PALM2AKAP2: variants seen among roughly 807,000 people sequenced by gnomAD.
PALM2AKAP2 encodes PALM2-AKAP2 fusion protein.
PALM2AKAP2 carries 37 observed loss-of-function variants against 71.5 expected under a neutral mutation model. The ratio of observed to expected loss-of-function variants is 0.52; its 90% confidence interval spans 0.40 to 0.68. PALM2AKAP2 has a LOEUF of 0.68. Among genes scored for constraint, PALM2AKAP2 ranks in the 30% least tolerant of loss-of-function variants. The pLI, the probability that PALM2AKAP2 is intolerant of heterozygous loss-of-function variation, is 0.00. For synonymous variants in PALM2AKAP2, 468 were observed against 478.8 expected (o/e 0.98, Z 0.29); for missense variants, 1,224 against 1,191.8 (o/e 1.03, Z -0.40).
At chr9:109,787,602 A>G (rs149291771) in intron 1 of PALM2AKAP2, among the ~76,000 whole-genome samples, 120 of 152,336 alleles carry the variant, frequency 7.9e-4, no homozygotes, top group African/African-American at 2.8e-3. Context: ...AGTCGAAAGT[A>G]TTGGTCCCTA....
chr9:110,155,470 G>A (rs985013732), intron 2 of PALM2AKAP2, among the ~76,000 whole-genome samples: 4 of 152,186 alleles, frequency 2.6e-5, no homozygotes, highest in African/African-American at 9.7e-5. Flanking sequence ...TTGGGAGGGA[G>A]GGATGGAAAT....
intron 1 of PALM2AKAP2, among the ~76,000 whole-genome samples, chr9:109,654,634 G>C (rs1827270816): frequency 6.6e-6 from 1 of 152,056 alleles, no homozygotes. Flanking sequence ...TTTAGATCTT[G>C]AAATTAAAAG....
chr9:110,045,993 C>T (rs1588075501), upstream of PALM2AKAP2, among the ~76,000 whole-genome samples: 2 of 152,244 alleles, frequency 1.3e-5, no homozygotes, highest in East Asian at 1.9e-4. Context: ...GTTGGTGGGG[C>T]GCTGTCCTGT....
chr9:110,065,045 T>C (rs1834047957), intron 1 of PALM2AKAP2, among the ~76,000 whole-genome samples: 1 of 152,202 alleles, frequency 6.6e-6, no homozygotes, highest in East Asian at 1.9e-4. Context: ...TTGAATGGCT[T>C]GTCCCCATCA....
intron 1 of PALM2AKAP2, among the ~76,000 whole-genome samples, chr9:109,831,631 T>C (rs1167572152): frequency 6.6e-6 from 1 of 152,158 alleles, no homozygotes; most frequent in Non-Finnish European, 1.5e-5. Context: ...ACAGATGCAG[T>C]CAGAGTAGCA....
At chr9:110,070,499 G>C (rs531435177) in intron 1 of PALM2AKAP2, among the ~76,000 whole-genome samples, 4 of 152,244 alleles carry the variant, frequency 2.6e-5, no homozygotes, top group Non-Finnish European at 5.9e-5. Flanking sequence ...AATGAAAAAA[G>C]AGCCTCACCA....
At chr9:110,111,833 T>C (rs1835261238) in intron 1 of PALM2AKAP2, among the ~76,000 whole-genome samples, 1 of 152,184 alleles carries the variant, frequency 6.6e-6, no homozygotes, top group African/African-American at 2.4e-5. Flanking sequence ...TGGTTCCAGC[T>C]GCCTTCTAGC....
At chr9:110,054,228 G>C (rs567186274) in intron 1 of PALM2AKAP2, among the ~76,000 whole-genome samples, 6 of 152,146 alleles carry the variant, frequency 3.9e-5, no homozygotes, top group South Asian at 2.1e-4. Flanking sequence ...GGAGAAACCC[G>C]GTCTCTACTA....
At chr9:109,859,699 A>G (rs16914551) in intron 1 of PALM2AKAP2, among the ~76,000 whole-genome samples, 6,243 of 152,328 alleles carry the variant, frequency 0.041, 261 homozygotes, top group African/African-American at 0.1. Flanking sequence ...ATGCTGGTCC[A>G]AACTAAGGGA....
chr9:109,721,482 A>G (rs745694727), intron 1 of PALM2AKAP2, among the ~76,000 whole-genome samples: 1 of 152,176 alleles, frequency 6.6e-6, no homozygotes, highest in Non-Finnish European at 1.5e-5. Context: ...TCTACCTTCT[A>G]TCTTGTTATT....
chr9:110,017,968 C>T lies in PALM2AKAP2; in HGVS notation c.582+1929C>T, dbSNP rs540626502. ...GTCTCCATCTCTTGACCTCATGGTC[C>T]GCCTGCCTCAGCCTCCCAAAGTGCT... On this transcript the variant is annotated intron_variant, in intron 7 of 9. Transcript: ENST00000302798. Among the ~76,000 whole-genome samples, 5 of 151,956 alleles carry T rather than the reference C, an allele frequency of 3.3e-5. 1 individual carries two copies. The highest frequency in any genetic ancestry group is 3.3e-4 in the Admixed American group (5 of 15,266).
chr9:110,084,334 A>G (rs1834511721), intron 1 of PALM2AKAP2, among the ~76,000 whole-genome samples: 1 of 152,198 alleles, frequency 6.6e-6, no homozygotes, highest in South Asian at 2.1e-4. Context: ...TGGGAAGAGT[A>G]CCCTCATATG....
intron 1 of PALM2AKAP2, among the ~76,000 whole-genome samples, chr9:110,074,113 G>C (rs1834267570): frequency 6.6e-6 from 1 of 152,202 alleles, no homozygotes; most frequent in South Asian, 2.1e-4. Context: ...AAATGCATGA[G>C]TTAGATCTAA....
intron 1 of PALM2AKAP2, among the ~76,000 whole-genome samples, chr9:110,078,275 G>C (rs1335101699): frequency 6.6e-6 from 1 of 152,138 alleles, no homozygotes; most frequent in Non-Finnish European, 1.5e-5. Flanking sequence ...CATTATATTA[G>C]TTACATGACA....
At chr9:109,789,980 T>C (rs1430298346) in intron 1 of PALM2AKAP2, among the ~76,000 whole-genome samples, 1 of 152,222 alleles carries the variant, frequency 6.6e-6, no homozygotes, top group Non-Finnish European at 1.5e-5. Context: ...AAAAATACTT[T>C]GGATTACTCT....
intron 1 of PALM2AKAP2, among the ~76,000 whole-genome samples, chr9:109,674,590 G>A (rs1827622255): frequency 6.6e-6 from 1 of 152,000 alleles, no homozygotes; most frequent in Non-Finnish European, 1.5e-5. Context: ...CTTCTAATGT[G>A]TGGACCTTTT....
chr9:110,171,663 T>G (rs1836860116), exon 4 of PALM2AKAP2: 2 of 152,328 alleles, frequency 1.3e-5, no homozygotes, highest in South Asian at 4.1e-4. Context: ...AGGAAAGTCA[T>G]TCCTGCCTAA....
intron 6 of PALM2AKAP2, among the ~76,000 whole-genome samples, chr9:110,015,542 G>A (rs924422255): frequency 6.6e-6 from 1 of 152,128 alleles, no homozygotes; most frequent in Admixed American, 6.5e-5. Flanking sequence ...GGAGGCGGAG[G>A]TTGCAGTGAG....
chr9:109,961,107 G>A (rs1831844530), intron 6 of PALM2AKAP2, among the ~76,000 whole-genome samples: 1 of 152,236 alleles, frequency 6.6e-6, no homozygotes, highest in East Asian at 1.9e-4. Flanking sequence ...TGCTCTTGGA[G>A]TTGTTCAGTG....
Sources: gnomAD v4.1 joint callset for allele counts (sites outside exome capture counted in the v4.1 genomes callset) on GRCh38, gnomAD v4.1.1 for gene constraint, MANE v1.5 for transcripts, NCBI Gene and HGNC (gene_info 2026-07-23, HGNC 2026-07-21) for gene names.